The following HCRTR2 variants were observed in gnomAD, a reference collection of about 807,000 sequenced individuals.
HCRTR2 encodes hypocretin receptor 2.
Under a neutral mutation model 49.0 loss-of-function variants are expected in HCRTR2, and 22 were observed. The ratio of observed to expected loss-of-function variants is 0.45; its 90% confidence interval spans 0.32 to 0.64. The LOEUF (loss-of-function observed/expected upper bound fraction) is 0.64. Ranked by LOEUF, HCRTR2 falls within the 30% of genes least tolerant of loss-of-function variation. The pLI, the probability that HCRTR2 is intolerant of heterozygous loss-of-function variation, is 0.04. For synonymous variants in HCRTR2, 236 were observed against 205.3 expected (o/e 1.15, Z -1.28); for missense variants, 491 against 559.4 (o/e 0.88, Z 1.23).
intron 1 of HCRTR2, among the ~76,000 whole-genome samples, chr6:55,110,482 T>A (rs1424677428): frequency 6.6e-6 from 1 of 152,028 alleles, no homozygotes; most frequent in African/African-American, 2.4e-5. Flanking sequence ...TTCAAGAGAC[T>A]CACCTAACAG....
chr6:55,131,346 G>C (rs1457494226), intron 1 of HCRTR2, among the ~76,000 whole-genome samples: 2 of 151,708 alleles, frequency 1.3e-5, no homozygotes, highest in East Asian at 3.9e-4. Flanking sequence ...TATCTTTAAA[G>C]AAAACATTTA....
intron 1 of HCRTR2, among the ~76,000 whole-genome samples, chr6:55,189,160 G>A (rs1321030848): frequency 3.3e-5 from 5 of 152,156 alleles, no homozygotes; most frequent in Non-Finnish European, 5.9e-5. Context: ...CTTGTCTGTA[G>A]TGTATTATGG....
At chr6:55,145,193 A>C (rs1418171299) in intron 1 of HCRTR2, among the ~76,000 whole-genome samples, 1 of 152,142 alleles carries the variant, frequency 6.6e-6, no homozygotes, top group Non-Finnish European at 1.5e-5. Context: ...CAATTGTGTA[A>C]CAGACCCTAA....
intron 1 of HCRTR2, among the ~76,000 whole-genome samples, chr6:55,153,559 T>C (rs1271194715): frequency 6.6e-6 from 1 of 152,056 alleles, no homozygotes; most frequent in Non-Finnish European, 1.5e-5. Flanking sequence ...AACATCATTA[T>C]ACAATTTGTG....
At chr6:55,147,729 A>G (rs990305864) in intron 1 of HCRTR2, among the ~76,000 whole-genome samples, 2 of 152,224 alleles carry the variant, frequency 1.3e-5, no homozygotes, top group African/African-American at 4.8e-5. Context: ...TTTCATAAAG[A>G]TGATGATGAT....
At chr6:55,206,543 T>C (rs181817358) in intron 1 of HCRTR2, among the ~76,000 whole-genome samples, 144 of 109,538 alleles carry the variant, frequency 1.3e-3, no homozygotes, top group Middle Eastern at 4.9e-3. Context: ...GTTATTTTGA[T>C]TTTTTTTTAT....
chr6:55,254,757 CAT>C (rs1766617519), intron 2 of HCRTR2, among the ~76,000 whole-genome samples: 1 of 149,756 alleles, frequency 6.7e-6, no homozygotes, highest in Non-Finnish European at 1.5e-5. Context: ...TTGGACTAAA[CAT>C]ATGTGTTTTT....
At chr6:55,120,330 T>C (rs538808377) in intron 1 of HCRTR2, among the ~76,000 whole-genome samples, 1 of 152,230 alleles carries the variant, frequency 6.6e-6, no homozygotes, top group Middle Eastern at 3.4e-3. Context: ...GCATTGAATC[T>C]ATAAATTACT....
intron 1 of HCRTR2, among the ~76,000 whole-genome samples, chr6:55,114,672 T>C (rs555946951): frequency 6.6e-6 from 1 of 151,872 alleles, no homozygotes; most frequent in African/African-American, 2.4e-5. Flanking sequence ...TAAAAATTTA[T>C]AATTTGTCTC....
Position 55,184,895 on chromosome 6 carries a change from C to T in HCRTR2, c.223+10085C>T, listed in dbSNP as rs1398936684. 2.0e-5 allele frequency among the ~76,000 whole-genome samples: 3 copies of T among 152,232 alleles called. No individual in the cohort carries two copies. In the East Asian group the frequency reaches 5.8e-4, roughly 29 times the overall value. On this transcript the variant is annotated intron_variant, in intron 1 of 6. Coordinates refer to ENST00000370862, the MANE Select transcript of HCRTR2 (RefSeq NM_001384272.1). Reference sequence around the variant, plus strand: ...TGCTAGAAATGGGGTCAGAAGGCCACCAGCTTTAATAATTTAATTCATCAA... The same window carrying T: ...TGCTAGAAATGGGGTCAGAAGGCCATCAGCTTTAATAATTTAATTCATCAA...
In HCRTR2 at chr6:55,264,459, A is replaced by T. The variant is rs541965254; in HGVS notation, c.762+637A>T. 6.2e-3 allele frequency among the ~76,000 whole-genome samples: 944 copies of T among 152,238 alleles called. 9 individuals are homozygous for T. The highest frequency in any genetic ancestry group is 0.022 in the African/African-American group (899 of 41,558). On this transcript the variant is annotated intron_variant, in intron 4 of 6. Transcript: ENST00000370862. ...TACATATCATGAACTTTTCACATAC[A>T]TGTCTCACACAAAAGCTAAAAATTC...
chr6:55,140,564 C>T (rs9370387), intron 1 of HCRTR2, among the ~76,000 whole-genome samples: 46,998 of 151,936 alleles, frequency 0.31, 9,302 homozygotes, highest in East Asian at 0.79. Flanking sequence ...CAGCTAGCAT[C>T]ACAGCACATT....
chr6:55,163,264 A>ACC lies in HCRTR2; in HGVS notation c.-377-10947_-377-10946insCC, dbSNP rs1764831928. Among the ~76,000 whole-genome samples, 9 of 136,964 alleles carry ACC rather than the reference A, an allele frequency of 6.6e-5. No individual in the cohort carries two copies. The South Asian group carries it at 2.1e-3, about 32-fold the overall frequency. The allele number at this position is 136,964 out of a possible 152,430, so 89.9% of individuals were successfully genotyped here. On this transcript the variant is annotated intron_variant, in intron 1 of 7. Coordinates refer to the HCRTR2 transcript ENST00000615358. Reference sequence around the variant, plus strand: ...AAAACAAACAAACAAACAACAAAAAAAAAAAAACTACCTTAAATTTCTTAT... The same window carrying ACC: ...AAAACAAACAAACAAACAACAAAAAACCAAAAAAACTACCTTAAATTTCTTAT...
chr6:55,232,005 G>A (rs140764447), intron 1 of HCRTR2, among the ~76,000 whole-genome samples: 7 of 152,150 alleles, frequency 4.6e-5, no homozygotes, highest in African/African-American at 1.7e-4. Context: ...ATCTTCTACA[G>A]AACAGATGTG....
At chr6:55,153,161 G>C (rs749288282) in intron 1 of HCRTR2, among the ~76,000 whole-genome samples, 1 of 151,924 alleles carries the variant, frequency 6.6e-6, no homozygotes, top group African/African-American at 2.4e-5. Context: ...AAGAACAGTT[G>C]TCTGTAAATT....
At chr6:55,253,761 G>A (rs891402526) in intron 2 of HCRTR2, among the ~76,000 whole-genome samples, 3 of 152,112 alleles carry the variant, frequency 2.0e-5, no homozygotes, top group African/African-American at 7.2e-5. Context: ...ATTATCCTTA[G>A]CAAACAAATG....
chr6:55,166,484 AAC>A (rs1764879290), intron 1 of HCRTR2, among the ~76,000 whole-genome samples: 1 of 152,084 alleles, frequency 6.6e-6, no homozygotes, highest in Admixed American at 6.6e-5. Context: ...AGAGACTTAA[AAC>A]ACACACAACG....
chr6:55,263,226 C>T (rs767942739), intron 3 of HCRTR2, among the ~76,000 whole-genome samples: 2 of 151,878 alleles, frequency 1.3e-5, no homozygotes, highest in Non-Finnish European at 2.9e-5. Context: ...GAATAGCCTC[C>T]CATTTCTCAG....
At chr6:55,284,408 C>T (rs887734472), downstream of HCRTR2, among the ~76,000 whole-genome samples, 1 of 152,118 alleles carries the variant, frequency 6.6e-6, no homozygotes, top group Non-Finnish European at 1.5e-5. Context: ...TATCCCTCAC[C>T]TACTTAACCA....
Sources: gnomAD v4.1 joint callset for allele counts (sites outside exome capture counted in the v4.1 genomes callset) on GRCh38, gnomAD v4.1.1 for gene constraint, MANE v1.5 for transcripts, NCBI Gene and HGNC (gene_info 2026-07-23, HGNC 2026-07-21) for gene names.